The following GNB1 variants were observed in gnomAD, a reference collection of about 807,000 sequenced individuals.
GNB1 encodes guanine nucleotide-binding protein G(I)/G(S)/G(T) subunit beta-1.
Under a neutral mutation model 42.9 loss-of-function variants are expected in GNB1, and 2 were observed. That is an observed-to-expected ratio of 0.05 (90% CI 0.02 to 0.15). The LOEUF (loss-of-function observed/expected upper bound fraction) is 0.15, where lower values mean the gene tolerates loss of function less well. GNB1 is among the 10% of genes least tolerant of loss of function. GNB1 has a pLI of 1.00. For missense variants in GNB1, 193 were observed against 462.2 expected, an observed-to-expected ratio of 0.42 and a Z score of 5.34; for synonymous variants, 183 against 174.7, an observed-to-expected ratio of 1.05 and a Z score of -0.38.
rs144521160 is a variant in GNB1, at chr1:1,843,500, T to C, written c.-95-4262A>G. ...GGTCGGCCTTCCACGGTGCTGGGAT[T>C]GCAGGCACAAGGCACCGCACCCAGC... On this transcript the variant is annotated intron_variant, in intron 1 of 11. Transcript: ENST00000378609. Among the ~76,000 whole-genome samples the C allele has an allele frequency of 5.4e-4, 82 of 152,272 alleles. 1 individual carries two copies. The highest frequency in any genetic ancestry group is 1.9e-3 in the African/African-American group (79 of 41,564).
At chr1:1,871,520 C>T (rs555879030) in intron 1 of GNB1, among the ~76,000 whole-genome samples, 3 of 152,252 alleles carry the variant, frequency 2.0e-5, no homozygotes, top group Non-Finnish European at 4.4e-5. Flanking sequence ...TCACATCCCA[C>T]CTCTCCGTGT....
chr1:1,834,639 C>T (rs1327272060), intron 2 of GNB1, among the ~76,000 whole-genome samples: 9 of 150,348 alleles, frequency 6.0e-5, no homozygotes, highest in Non-Finnish European at 1.3e-4. Context: ...ATGCAGCGCA[C>T]ACAACAGAGG....
intron 1 of GNB1, among the ~76,000 whole-genome samples, chr1:1,877,497 A>C (rs1649615424): frequency 6.6e-6 from 1 of 151,600 alleles, no homozygotes; most frequent in African/African-American, 2.4e-5. Context: ...TTTTTTATAA[A>C]ATTTTATTTA....
In GNB1 at chr1:1,790,324, T is replaced by C. The variant is rs1557880419; in HGVS notation, c.699+71A>G. The C allele has an allele frequency of 5.5e-6, 6 of 1,081,146 alleles. No homozygotes were observed. Among genetic ancestry groups the C allele is most frequent in the Non-Finnish European group, 8.6e-6 (6 of 699,988 alleles). 67.0% of individuals were successfully genotyped at this position (1,081,146 alleles called of 1,614,324 possible). ...GGAGAACATCTAATCCAGAAAAGTT[T>C]AAAATTTAGCAATCTGAACGGCTAG... On this transcript the variant is annotated intron_variant, in intron 9 of 11. Transcript: ENST00000378609. This position sits in a 1 kb window ranked among gnomAD's most constrained non-coding sequence, Gnocchi z 5.4.
chr1:1,798,228 T>C (rs1646573129), intron 7 of GNB1, among the ~76,000 whole-genome samples: 1 of 152,236 alleles, frequency 6.6e-6, no homozygotes. Context: ...GGCCCACCAG[T>C]GCAGCCAAGA....
chr1:1,803,070 G>T (rs1356862029), intron 7 of GNB1, among the ~76,000 whole-genome samples: 2 of 152,212 alleles, frequency 1.3e-5, no homozygotes, highest in Non-Finnish European at 2.9e-5. Flanking sequence ...TGTAGTACTA[G>T]TGACTCCATG....
intron 1 of GNB1, among the ~76,000 whole-genome samples, chr1:1,845,453 G>A (rs1161948121): frequency 1.3e-5 from 2 of 152,110 alleles, no homozygotes; most frequent in African/African-American, 4.8e-5. Flanking sequence ...GGCGCCTGTA[G>A]TCCCAGCTAC....
At chr1:1,889,307 A>C (rs1388527919) in intron 1 of GNB1, among the ~76,000 whole-genome samples, 1 of 152,206 alleles carries the variant, frequency 6.6e-6, no homozygotes, top group Non-Finnish European at 1.5e-5. Context: ...ACTATTTGAG[A>C]CTAATGTTAT....
chr1:1,823,565 C>G (rs1646960717), intron 3 of GNB1, among the ~76,000 whole-genome samples: 2 of 152,128 alleles, frequency 1.3e-5, no homozygotes, highest in Admixed American at 1.3e-4. Context: ...ACATGTTAAA[C>G]AAGTCTGATC....
At chr1:1,829,633 C>T (rs1368493311) in intron 2 of GNB1, among the ~76,000 whole-genome samples, 1 of 152,168 alleles carries the variant, frequency 6.6e-6, no homozygotes, top group Non-Finnish European at 1.5e-5. Flanking sequence ...GCTCTTAGTT[C>T]ATCTTTACCG....
At chr1:1,814,303 C>T (rs1252761365) in intron 5 of GNB1, among the ~76,000 whole-genome samples, 1 of 152,172 alleles carries the variant, frequency 6.6e-6, no homozygotes, top group Non-Finnish European at 1.5e-5. Flanking sequence ...CAAAGAAATA[C>T]TACTCAAAGA....
chr1:1,789,435 G>A (rs1646451089), intron 9 of GNB1, among the ~76,000 whole-genome samples, 166 bp from the exon 10 acceptor site: 1 of 152,344 alleles, frequency 6.6e-6, no homozygotes, highest in East Asian at 1.9e-4. Context: ...GCTCATGCCT[G>A]TAATCCCAGC....
At chr1:1,846,337 C>A (rs1647666501) in intron 1 of GNB1, among the ~76,000 whole-genome samples, 1 of 152,090 alleles carries the variant, frequency 6.6e-6, no homozygotes, top group African/African-American at 2.4e-5. Flanking sequence ...GAGGCCAAGG[C>A]AGGCGGATCA....
intron 1 of GNB1, among the ~76,000 whole-genome samples, chr1:1,847,548 T>A (rs1369868999): frequency 6.6e-6 from 1 of 152,070 alleles, no homozygotes; most frequent in Non-Finnish European, 1.5e-5. Flanking sequence ...CAGTACTCTA[T>A]GGAAAGAATT....
chr1:1,877,412 A>C (rs1391715242), intron 1 of GNB1, among the ~76,000 whole-genome samples: 1 of 151,624 alleles, frequency 6.6e-6, no homozygotes, highest in Non-Finnish European at 1.5e-5. Flanking sequence ...AAACACTAGA[A>C]GAAATATAAT....
intron 1 of GNB1, among the ~76,000 whole-genome samples, chr1:1,876,492 C>CGAGAGAGAGA (rs35226472): frequency 0.056 from 8,348 of 147,862 alleles, 303 homozygotes; most frequent in Non-Finnish European, 0.084. Flanking sequence ...CATGTGCACA[C>CGAGAGAGAGA]GAGAGAGAGA....
At chr1:1,854,303 T>C (rs1156514422) in intron 1 of GNB1, among the ~76,000 whole-genome samples, 1 of 151,844 alleles carries the variant, frequency 6.6e-6, no homozygotes, top group African/African-American at 2.4e-5. Flanking sequence ...GTATAAAGAG[T>C]CCCTGAGATT....
intron 1 of GNB1, among the ~76,000 whole-genome samples, chr1:1,887,017 C>T (rs1232871506): frequency 2.6e-5 from 4 of 152,218 alleles, no homozygotes; most frequent in African/African-American, 9.6e-5. Flanking sequence ...CCGGTCAAAC[C>T]AGTTTAAAAT....
At chr1:1,839,344 C>G (rs1647193137) in intron 1 of GNB1, 106 bp from the exon 2 acceptor site, 1 of 152,172 alleles carries the variant, frequency 6.6e-6, no homozygotes, top group Admixed American at 6.5e-5. Context: ...AAATTTGACC[C>G]TTCCCTATTA....
Sources: gnomAD v4.1 joint callset for allele counts (sites outside exome capture counted in the v4.1 genomes callset) on GRCh38, gnomAD v4.1.1 for gene constraint, Gnocchi (gnomAD v3.1) non-coding constraint, MANE v1.5 for transcripts, NCBI Gene and HGNC (gene_info 2026-07-23, HGNC 2026-07-21) for gene names.